LRRN4CL: variants seen among roughly 807,000 people sequenced by gnomAD.
LRRN4CL encodes LRRN4 C-terminal like, also known as LRRN4 C-terminal-like protein.
For missense variants in LRRN4CL, 348 were observed against 336.4 expected (o/e 1.03, Z -0.27); for synonymous variants, 156 against 154.1 (o/e 1.01, Z -0.09).
chr11:62,688,614 G>T, intron 1 of LRRN4CL, 101 bp from the exon 2 acceptor site: 1 of 895,834 alleles, frequency 1.1e-6, no homozygotes, highest in Non-Finnish European at 1.6e-6. Flanking sequence ...TGCAACTGGG[G>T]ATCAGAAGAG....
chr11:62,687,955 C>G lies in LRRN4CL; in HGVS notation c.554G>C (p.Arg185Pro), dbSNP rs551756407. 7 of 1,586,982 alleles carry G rather than the reference C, an allele frequency of 4.4e-6. No homozygotes were observed. In the African/African-American group the frequency reaches 9.4e-5, roughly 21 times the overall value. The change falls in exon 2 of 2, where the codon CGC becomes CCC. Residue 185 changes from arginine to proline, a missense_variant. Physicochemically the swap from Arg to Pro is moderately radical, Grantham distance 103. Coordinates refer to ENST00000317449, the MANE Select transcript of LRRN4CL (RefSeq NM_203422.4). ...ADIPAFGPCS[R>P]LAVPPNPRTL... ...GCGGGGGTTGGGCGGCACCGCAAGGCGGCTGCAAGGCCCGAAGGCAGGGAT... is the reference window on the plus strand; with the variant it reads ...GCGGGGGTTGGGCGGCACCGCAAGGGGGCTGCAAGGCCCGAAGGCAGGGAT...
rs1945212680 is a variant in LRRN4CL, at chr11:62,687,716, G to GTTT, written c.*73_*75dup. 8.0e-7 allele frequency: 1 copy of GTTT among 1,252,626 alleles called. No homozygotes were observed. Among genetic ancestry groups the GTTT allele is most frequent in the African/African-American group, 1.6e-5 (1 of 63,138 alleles). 77.6% of individuals were successfully genotyped at this position (1,252,626 alleles called of 1,614,324 possible). On this transcript the variant is annotated 3_prime_UTR_variant, in exon 2 of 2. Coordinates refer to ENST00000317449, the MANE Select transcript of LRRN4CL (RefSeq NM_203422.4). The stretch of plus-strand genomic sequence containing the variant: ...GTCCAGCCCTCCCTGGAGGCAGCGG[G>GTTT]TTTTCCTCTTTCCCGGGGGCCAGGC...
chr11:62,689,093 C>T (rs756907321), intron 1 of LRRN4CL, among the ~76,000 whole-genome samples: 8 of 152,114 alleles, frequency 5.3e-5, no homozygotes, highest in Non-Finnish European at 8.8e-5. Context: ...GTCCCTGCTA[C>T]TCAGGAGGAT....
At position 62,688,414 on chromosome 11, in the gene LRRN4CL, T is replaced by G. The variant is rs749096769; in HGVS notation, c.95A>C (p.Glu32Ala). Residue 32 changes from glutamate (E) to alanine (A), a missense_variant, in exon 2 of 2, where the codon GAG (glutamate) becomes GCG (alanine). Transcript: ENST00000317449. ...CCACGCCGTCTCAGTCTCATCTGCC[T>G]CCTCTTCTTCAAAGTCTTGAGGGGC... is the stretch of plus-strand genomic sequence containing the variant. ...PLAPQDFEEE[E>A]ADETETAWPP... The G allele has an allele frequency of 6.2e-7, 1 of 1,601,726 alleles. No individual in the cohort carries two copies. Among genetic ancestry groups the G allele is most frequent in the Admixed American group, 1.7e-5 (1 of 60,008 alleles).
rs773713148 is a variant in LRRN4CL at position 62,688,120 on chromosome 11, G to T, written c.389C>A (p.Pro130Gln). 1.2e-6 allele frequency: 2 copies of T among 1,612,420 alleles called. No homozygotes were observed. Among genetic ancestry groups the T allele is most frequent in the East Asian group, 2.2e-5 (1 of 44,854 alleles). The change falls in exon 2 of 2, where the codon CCG (proline) becomes CAG (glutamine). Residue 130 changes from proline to glutamine, a missense_variant. Physicochemically the swap from Pro to Gln is moderately conservative, Grantham distance 76 (BLOSUM62 -1). Transcript: ENST00000317449. ...GGCTCTGCGGACCGTAGCGTTCAGC[G>T]GGGGCCCCTTCTGCGCAGCCTCGCT... The part of the protein sequence containing the change: ...DGSEAAQKGP[P>Q]LNATVRRAEL...
At position 62,689,269 on chromosome 11, in the gene LRRN4CL, G is replaced by C. The variant is rs183098974; in HGVS notation, c.-6+158C>G. 5.9e-5 allele frequency among the ~76,000 whole-genome samples: 9 copies of C among 152,266 alleles called. No homozygotes were observed. In the East Asian group the frequency reaches 1.7e-3, roughly 29 times the overall value. ...AGTTGAGAAAAGAGAACAGAATGGA[G>C]AAATATTGTAAGCACAGCTGTATTT... On this transcript the variant is annotated intron_variant, in intron 1 of 1. Coordinates refer to ENST00000317449, the MANE Select transcript of LRRN4CL (RefSeq NM_203422.4).
chr11:62,689,119 G>A (rs1327286375), intron 1 of LRRN4CL, among the ~76,000 whole-genome samples: 1 of 152,162 alleles, frequency 6.6e-6, no homozygotes, highest in Non-Finnish European at 1.5e-5. Flanking sequence ...GAGCCCAGGA[G>A]TTCAAGGCTG....
Position 62,687,879 on chromosome 11 carries a change from G to T in LRRN4CL, c.630C>A (p.Ser210Arg). 1 of 1,464,090 alleles carries T rather than the reference G, an allele frequency of 6.8e-7. No homozygotes were observed. 90.7% of individuals were successfully genotyped at this position (1,464,090 alleles called of 1,614,324 possible). Residue 210 changes from serine (S) to arginine (R), a missense_variant, in exon 2 of 2, where the codon AGC becomes AGA. Physicochemically the swap from Ser to Arg is moderately radical, Grantham distance 110. Transcript: ENST00000317449. ...VGVGTALALL[S>R]CAALVWHFCL... ...AGAAGTGCCACACCAGGGCGGCACA[G>T]CTTAGCAGGGCCAGGGCCGTGCCCA...
In LRRN4CL at chr11:62,686,447, A is replaced by G. The variant is rs2134682438; in HGVS notation, c.*1345T>C. 1 of 152,310 alleles carries G rather than the reference A, an allele frequency of 6.6e-6. No individual in the cohort carries two copies. Among genetic ancestry groups the G allele is most frequent in the South Asian group, 2.1e-4 (1 of 4,824 alleles). 9.4% of individuals were successfully genotyped at this position (152,310 alleles called of 1,614,324 possible). ...TTTAATGTTGTTATAGTGGATATGC[A>G]ATAAACACAAATGGAGGGTAAAAGG... On this transcript the variant is annotated 3_prime_UTR_variant, in exon 2 of 2. Coordinates refer to ENST00000317449, the MANE Select transcript of LRRN4CL (RefSeq NM_203422.4).
rs2134682696 is a variant in LRRN4CL, at chr11:62,686,787, C to T, written c.*1005G>A. 1 of 152,424 alleles carries T rather than the reference C, an allele frequency of 6.6e-6. No individual in the cohort carries two copies. Among genetic ancestry groups the T allele is most frequent in the Admixed American group, 6.5e-5 (1 of 15,308 alleles). 9.4% of individuals were successfully genotyped at this position (152,424 alleles called of 1,614,324 possible). ...CCGGGTTCACGCCATTCTCCTGCCT[C>T]AGCCTCCGGAGTAGCTGGGACTACA... On this transcript the variant is annotated 3_prime_UTR_variant, in exon 2 of 2. Transcript: ENST00000317449.
In LRRN4CL at chr11:62,688,349, G is replaced by C. The variant is rs1349819018; in HGVS notation, c.160C>G (p.Arg54Gly). The change falls in exon 2 of 2, where the codon CGA becomes GGA. Residue 54 changes from arginine to glycine, a missense_variant. Coordinates refer to ENST00000317449, the MANE Select transcript of LRRN4CL (RefSeq NM_203422.4). ...TCCTTGCAGGGCACCTGCAGGTGTC[G>C]GCAGTGGTCGTAGTCGCAGGGGACA... ...PAVPCDYDHC[R>G]HLQVPCKELQ... 9.3e-6 allele frequency: 15 copies of C among 1,608,398 alleles called. No homozygotes were observed. Among genetic ancestry groups the C allele is most frequent in the Non-Finnish European group, 1.2e-5 (14 of 1,179,968 alleles).
Position 62,687,793 on chromosome 11 carries a change from C to A in LRRN4CL, c.716G>T (p.Ter239LeuextTer69), listed in dbSNP as rs1945214179. 3.6e-6 allele frequency: 5 copies of A among 1,392,590 alleles called. No individual in the cohort carries two copies. Among genetic ancestry groups the A allele is most frequent in the Non-Finnish European group, 2.8e-6 (3 of 1,084,110 alleles). 86.3% of individuals were successfully genotyped at this position (1,392,590 alleles called of 1,614,324 possible). The change falls in exon 2 of 2, where the codon TGA (stop) becomes TTA (leucine). Residue 239 changes from the stop codon to leucine (L), a stop_lost. Transcript: ENST00000317449. ...RAAARAAGAL[*>L] ...GCCCGAGATGCCCCCAGGCCCCTTT[C>A]AGAGCGCCCCTGCGGCTCGGGCGGC...
At position 62,688,249 on chromosome 11, in the gene LRRN4CL, C is replaced by T. The variant is rs762774050; in HGVS notation, c.260G>A (p.Arg87His). 1 of 1,610,458 alleles carries T rather than the reference C, an allele frequency of 6.2e-7. No individual in the cohort carries two copies. Among genetic ancestry groups the T allele is most frequent in the Non-Finnish European group, 8.5e-7 (1 of 1,178,880 alleles). ...SSPAQPPDPP[R>H]MGEVRIAAEE... ...GGCCGCAATGCGCACTTCTCCCATG[C>T]GCGGCGGGTCGGGCGGCTGGGCGGG... Residue 87 changes from arginine (R) to histidine (H), a missense_variant, in exon 2 of 2, where the codon CGC becomes CAC. Physicochemically the swap from Arg to His is conservative, Grantham distance 29. Coordinates refer to ENST00000317449, the MANE Select transcript of LRRN4CL (RefSeq NM_203422.4).
Position 62,687,859 on chromosome 11 carries a change from T to C in LRRN4CL, c.650A>G (p.His217Arg). The C allele has an allele frequency of 2.8e-6, 4 of 1,425,338 alleles. No homozygotes were observed. Among genetic ancestry groups the C allele is most frequent in the Non-Finnish European group, 3.6e-6 (4 of 1,098,060 alleles). The allele number at this position is 1,425,338 out of a possible 1,614,324, so 88.3% of individuals were successfully genotyped here. A position where few individuals can be genotyped will look rare whatever the true frequency, so the allele number is the denominator to read the frequency against. The stretch of plus-strand genomic sequence containing the variant: ...GCCCCAGCGATCGCGCAGGCAGAAG[T>C]GCCACACCAGGGCGGCACAGCTTAG... ...ALLSCAALVWHFCLRDRWGCP... is the reference protein window; with the variant it reads ...ALLSCAALVWRFCLRDRWGCP... Residue 217 changes from histidine to arginine, a missense_variant, in exon 2 of 2, where the codon CAC (histidine) becomes CGC (arginine). Physicochemically the swap from His to Arg is conservative, Grantham distance 29. Coordinates refer to ENST00000317449, the MANE Select transcript of LRRN4CL (RefSeq NM_203422.4).
chr11:62,687,978 G>T lies in LRRN4CL; in HGVS notation c.531C>A (p.Ile177=). The change falls in exon 2 of 2, where the codon ATC becomes ATA. Residue 177 remains isoleucine (I), a synonymous_variant. Coordinates refer to ENST00000317449, the MANE Select transcript of LRRN4CL (RefSeq NM_203422.4). The part of the protein sequence containing the change: ...AGGEGLEGAD[I]PAFGPCSRLA... ...GGCGGCTGCAAGGCCCGAAGGCAGG[G>T]ATGTCGGCCCCCTCGAGGCCCTCTC... 6.2e-7 allele frequency: 1 copy of T among 1,606,426 alleles called. No homozygotes were observed. Among genetic ancestry groups the T allele is most frequent in the Non-Finnish European group, 8.5e-7 (1 of 1,176,542 alleles).
rs1232156426 is a variant in LRRN4CL at position 62,687,646 on chromosome 11, G to A, written c.*146C>T. 2 of 604,558 alleles carry A rather than the reference G, an allele frequency of 3.3e-6. No individual in the cohort carries two copies. Among genetic ancestry groups the A allele is most frequent in the Non-Finnish European group, 5.1e-6 (2 of 390,478 alleles). The allele number at this position is 604,558 out of a possible 1,614,324, so 37.4% of individuals were successfully genotyped here. Reference sequence around the variant, plus strand: ...ACAAGCGCTCAGTCCTGAGAACCATGACTCCGCCGTGGCCCTGGAGCCTGG... The same window carrying A: ...ACAAGCGCTCAGTCCTGAGAACCATAACTCCGCCGTGGCCCTGGAGCCTGG... On this transcript the variant is annotated 3_prime_UTR_variant, in exon 2 of 2. Transcript: ENST00000317449.
rs371761350 is a variant in LRRN4CL, at chr11:62,688,521, G to A, written c.-5-8C>T. 122 of 1,582,772 alleles carry A rather than the reference G, an allele frequency of 7.7e-5. 1 individual carries two copies. In the African/African-American group the frequency reaches 1.4e-3, roughly 19 times the overall value. ...GAGAGCCCAGCATGGAGACTGGAAG[G>A]GAAGGGGTGGATAGATAAAGCCTGT... On this transcript the variant is annotated splice_region_variant and splice_polypyrimidine_tract_variant and intron_variant, in intron 1 of 1. Transcript: ENST00000317449.
chr11:62,687,668 C>T lies in LRRN4CL; in HGVS notation c.*124G>A. The T allele has an allele frequency of 1.2e-6, 1 of 808,718 alleles. No individual in the cohort carries two copies. The highest frequency in any genetic ancestry group is 1.7e-6 in the Non-Finnish European group (1 of 573,078). 50.1% of individuals were successfully genotyped at this position (808,718 alleles called of 1,614,324 possible). On this transcript the variant is annotated 3_prime_UTR_variant, in exon 2 of 2. Transcript: ENST00000317449. ...CATGACTCCGCCGTGGCCCTGGAGCCTGGGGCTGGCTCCCAGCTCGCCGTC... is the reference window on the plus strand; with the variant it reads ...CATGACTCCGCCGTGGCCCTGGAGCTTGGGGCTGGCTCCCAGCTCGCCGTC...
rs1945205921 is a variant in LRRN4CL, at chr11:62,687,211, G to A, written c.*581C>T. On this transcript the variant is annotated 3_prime_UTR_variant, in exon 2 of 2. Coordinates refer to ENST00000317449, the MANE Select transcript of LRRN4CL (RefSeq NM_203422.4). ...CAGGAGAATCGCTTGAACCCAGGAG[G>A]TGGACGTTGCAGTGAGCTGAGATGG... 6.6e-6 allele frequency: 1 copy of A among 152,226 alleles called. No homozygotes were observed. The highest frequency in any genetic ancestry group is 2.4e-5 in the African/African-American group (1 of 41,450). The allele number at this position is 152,226 out of a possible 1,614,324, so 9.4% of individuals were successfully genotyped here.
Sources: gnomAD v4.1 joint callset for allele counts (sites outside exome capture counted in the v4.1 genomes callset) on GRCh38, gnomAD v4.1.1 for gene constraint, MANE v1.5 for transcripts, NCBI Gene and HGNC (gene_info 2026-07-23, HGNC 2026-07-21) for gene names.